Variants in ABHD18 observed in about 807,000 individuals in gnomAD.
ABHD18 encodes the protein cardiolipin-specific deacylase, mitochondrial.
ABHD18 carries 55 observed loss-of-function variants against 65.9 expected under a neutral mutation model. The ratio of observed to expected loss-of-function variants is 0.84; its 90% confidence interval spans 0.67 to 1.05. The LOEUF (loss-of-function observed/expected upper bound fraction) is 1.05, where lower values mean the gene tolerates loss of function less well. Ranked by LOEUF, ABHD18 falls within the 50% of genes least tolerant of loss-of-function variation. The pLI, the probability that ABHD18 is intolerant of heterozygous loss-of-function variation, is 0.00. For synonymous variants in ABHD18, 181 were observed against 180.2 expected, an observed-to-expected ratio of 1.00 and a Z score of -0.04; for missense variants, 533 against 558.5, an observed-to-expected ratio of 0.95 and a Z score of 0.46.
chr4:128,013,558 C>T (rs904316295), intron 7 of ABHD18, among the ~76,000 whole-genome samples: 2 of 151,966 alleles, frequency 1.3e-5, no homozygotes, highest in Non-Finnish European at 2.9e-5. Flanking sequence ...AAAATCCGGG[C>T]GTGGTGGTGG....
chr4:127,994,272 A>G (rs1751387926), intron 4 of ABHD18, among the ~76,000 whole-genome samples: 1 of 152,210 alleles, frequency 6.6e-6, no homozygotes, highest in African/African-American at 2.4e-5. Context: ...ATTTATGTCA[A>G]AATTCCAAAT....
intron 7 of ABHD18, among the ~76,000 whole-genome samples, chr4:128,012,721 AAAGCCCAATGT>A (rs1754780679): frequency 6.6e-6 from 1 of 152,064 alleles, no homozygotes; most frequent in African/African-American, 2.4e-5. Flanking sequence ...AAGTAAATGA[AAAGCCCAATGT>A]AAGCGTCAGG....
intron 7 of ABHD18, among the ~76,000 whole-genome samples, chr4:128,013,207 A>C (rs1754875724): frequency 6.6e-6 from 1 of 151,958 alleles, no homozygotes; most frequent in Non-Finnish European, 1.5e-5. Context: ...TTTAAAACCT[A>C]CTTTGGCTAC....
intron 1 of ABHD18, chr4:127,966,048 T>C (rs768332519): frequency 2.0e-5 from 3 of 152,182 alleles, no homozygotes; most frequent in Non-Finnish European, 2.9e-5. Flanking sequence ...AACGTGGGAG[T>C]TGAAAAAGGT....
At chr4:127,981,689 A>G (rs1047515464) in intron 1 of ABHD18, among the ~76,000 whole-genome samples, 6 of 152,242 alleles carry the variant, frequency 3.9e-5, no homozygotes, top group African/African-American at 1.4e-4. Context: ...CAGTTTATGT[A>G]TAGTGGTAGA....
intron 1 of ABHD18, among the ~76,000 whole-genome samples, chr4:127,982,704 A>G (rs1749269544): frequency 6.6e-6 from 1 of 152,192 alleles, no homozygotes; most frequent in Admixed American, 6.6e-5. Flanking sequence ...TGTACTGAGG[A>G]TGGGAAGATC....
intron 10 of ABHD18, among the ~76,000 whole-genome samples, chr4:128,022,844 C>T (rs1756734899): frequency 6.6e-6 from 1 of 150,894 alleles, no homozygotes; most frequent in African/African-American, 2.4e-5. Context: ...GCTCTCAGCT[C>T]ACTGCAACCT....
At chr4:128,011,824 T>G in intron 7 of ABHD18, 124 bp downstream of exon 7, 1 of 490,180 alleles carries the variant, frequency 2.0e-6, no homozygotes, top group Non-Finnish European at 3.5e-6. Flanking sequence ...GGGGGGGAGT[T>G]CTGTTATGAA....
chr4:127,995,823 G>T (rs1751643196), intron 4 of ABHD18, among the ~76,000 whole-genome samples: 1 of 152,078 alleles, frequency 6.6e-6, no homozygotes, highest in African/African-American at 2.4e-5. Context: ...GGCATAAATG[G>T]CATTCAGTAG....
rs1364285913 is a variant in ABHD18 at position 128,036,905 on chromosome 4, TCAGGAGTTTAA to T, written c.*1093_*1103del. 2 of 151,782 alleles carry T rather than the reference TCAGGAGTTTAA, an allele frequency of 1.3e-5. No individual in the cohort carries two copies. The highest frequency in any genetic ancestry group is 4.8e-5 in the African/African-American group (2 of 41,304). 9.4% of individuals were successfully genotyped at this position (151,782 alleles called of 1,614,324 possible). ...ACGCTCAGGCGGGCGGATCACAAGG[TCAGGAGTTTAA>T]GACCAGCCTGGCCAACATGGTGAAA... On this transcript the variant is annotated 3_prime_UTR_variant, in exon 13 of 13. Transcript: ENST00000645843.
intron 12 of ABHD18, 44 bp from the exon 13 acceptor site, chr4:128,035,717 CT>C: frequency 4.2e-6 from 5 of 1,195,640 alleles, no homozygotes; most frequent in Middle Eastern, 1.9e-4. Flanking sequence ...TTTGTCCCCC[CT>C]TTTTGTTAGT....
intron 10 of ABHD18, among the ~76,000 whole-genome samples, chr4:128,028,212 T>G (rs560290334): frequency 6.6e-6 from 1 of 152,184 alleles, no homozygotes; most frequent in Non-Finnish European, 1.5e-5. Context: ...AGGGACCTCA[T>G]ACAAGTGGAA....
At chr4:128,005,848 A>T (rs1385476303) in intron 4 of ABHD18, among the ~76,000 whole-genome samples, 3 of 152,176 alleles carry the variant, frequency 2.0e-5, no homozygotes, top group Non-Finnish European at 4.4e-5. Flanking sequence ...TCCCTGTTGC[A>T]CAGTCTCTTG....
chr4:127,975,627 A>G (rs1747763492), intron 1 of ABHD18, among the ~76,000 whole-genome samples: 1 of 152,218 alleles, frequency 6.6e-6, no homozygotes, highest in Admixed American at 6.5e-5. Flanking sequence ...TAGGAAGTGA[A>G]GAAGCTTCTG....
At chr4:128,020,852 G>C (rs1283500739) in intron 9 of ABHD18, among the ~76,000 whole-genome samples, 1 of 151,982 alleles carries the variant, frequency 6.6e-6, no homozygotes, top group African/African-American at 2.4e-5. Context: ...TGGCCAACAT[G>C]GTGAAACTCT....
Position 128,001,615 on chromosome 4 carries a change from C to A in ABHD18, c.279-7305C>A, listed in dbSNP as rs901782274. On this transcript the variant is annotated intron_variant, in intron 4 of 12. Coordinates refer to ENST00000645843, the MANE Select transcript of ABHD18 (RefSeq NM_001358451.3). ...ATATGTAAAGATGCCTTTATTATCCCTCATACTTAGTTAACCCCTTGCCTA... is the reference window on the plus strand; with the variant it reads ...ATATGTAAAGATGCCTTTATTATCCATCATACTTAGTTAACCCCTTGCCTA... The A allele has an allele frequency of 8.4e-6, 10 of 1,186,558 alleles. No individual in the cohort carries two copies. The Admixed American group carries it at 2.7e-4, about 32-fold the overall frequency. 73.5% of individuals were successfully genotyped at this position (1,186,558 alleles called of 1,614,324 possible).
intron 12 of ABHD18, among the ~76,000 whole-genome samples, chr4:128,034,260 A>G (rs1758621203): frequency 6.6e-6 from 1 of 152,026 alleles, no homozygotes. Context: ...CCTGGCCTAG[A>G]CATGCATTTT....
At chr4:128,024,845 A>C (rs1375627460) in intron 10 of ABHD18, among the ~76,000 whole-genome samples, 1 of 152,092 alleles carries the variant, frequency 6.6e-6, no homozygotes, top group Non-Finnish European at 1.5e-5. Flanking sequence ...GGCATGTGCC[A>C]CCACGCCCGG....
rs535720368 is a variant in ABHD18 at position 128,022,494 on chromosome 4, A to G, written c.801+1256A>G. Reference sequence around the variant, plus strand: ...CAAGGCTATATAGGAAACACATAATATCTGATTATCTCTTTTTTTATGATA... The same window carrying G: ...CAAGGCTATATAGGAAACACATAATGTCTGATTATCTCTTTTTTTATGATA... On this transcript the variant is annotated intron_variant, in intron 10 of 12. Coordinates refer to ENST00000645843, the MANE Select transcript of ABHD18 (RefSeq NM_001358451.3). 2.2e-4 allele frequency among the ~76,000 whole-genome samples: 33 copies of G among 152,276 alleles called. No homozygotes were observed. The South Asian group carries it at 6.6e-3, about 31-fold the overall frequency.
Sources: allele counts gnomAD v4.1 joint callset (sites outside exome capture counted in the v4.1 genomes callset), GRCh38; gene constraint gnomAD v4.1.1; transcripts MANE v1.5; gene names NCBI Gene and HGNC (gene_info 2026-07-23, HGNC 2026-07-21).